Variants in FRMPD1 observed in about 807,000 individuals in gnomAD.
FRMPD1 encodes FERM and PDZ domain containing 1, also known as FERM and PDZ domain-containing protein 1.
In FRMPD1, 76 loss-of-function variants were observed where a neutral mutation model predicts 117.8. The observed-to-expected ratio is 0.65, with a 90% CI of 0.54 to 0.78. The LOEUF (loss-of-function observed/expected upper bound fraction) is 0.78. Among genes scored for constraint, FRMPD1 ranks in the 30% least tolerant of loss-of-function variants. FRMPD1 has a pLI of 0.00. For synonymous variants in FRMPD1, 783 were observed against 770.4 expected, an observed-to-expected ratio of 1.02 and a Z score of -0.27; for missense variants, 1,786 against 1,964.5, an observed-to-expected ratio of 0.91 and a Z score of 1.72.
intron 5 of FRMPD1, among the ~76,000 whole-genome samples, chr9:37,716,778 T>G (rs1823139048): frequency 6.6e-6 from 1 of 152,192 alleles, no homozygotes; most frequent in Non-Finnish European, 1.5e-5. Flanking sequence ...TTGTTTTTAG[T>G]GATTTCCTGG....
chr9:37,709,586 G>A (rs1822837147), intron 4 of FRMPD1, among the ~76,000 whole-genome samples: 1 of 152,230 alleles, frequency 6.6e-6, no homozygotes, highest in East Asian at 1.9e-4. Context: ...GAAAAGAAAA[G>A]CCAAGGAAAT....
At chr9:37,621,063 T>C in the FRMPD1 span, among the ~76,000 whole-genome samples, 1 of 151,958 alleles carries the variant, frequency 6.6e-6, no homozygotes, top group Non-Finnish European at 1.5e-5. Context: ...ATAGTCGAAA[T>C]TGATGGAGAG....
In FRMPD1 at chr9:37,729,190, C is replaced by G. The variant is rs184271547; in HGVS notation, c.613-538C>G. Among the ~76,000 whole-genome samples, 605 of 151,534 alleles carry G rather than the reference C, an allele frequency of 4.0e-3. 3 individuals carry two copies. The highest frequency in any genetic ancestry group is 0.01 in the Middle Eastern group (3 of 292). Reference sequence around the variant, plus strand: ...TTGAGGTCAGGAGTTCAAGACCAGCCTGGCCAACATTCCAAAACCCCATCT... The same window carrying G: ...TTGAGGTCAGGAGTTCAAGACCAGCGTGGCCAACATTCCAAAACCCCATCT... On this transcript the variant is annotated intron_variant, in intron 7 of 15. Coordinates refer to ENST00000377765, the MANE Select transcript of FRMPD1 (RefSeq NM_014907.3).
intron 4 of FRMPD1, 52 bp from the exon 5 acceptor site, chr9:37,711,298 T>TG: frequency 2.6e-6 from 3 of 1,154,278 alleles, no homozygotes; most frequent in Non-Finnish European, 3.9e-6. Context: ...TGCACGTGCA[T>TG]CCATCACGCA....
chr9:37,704,732 C>T lies in FRMPD1; in HGVS notation c.102-2684C>T, dbSNP rs144301434. On this transcript the variant is annotated intron_variant, in intron 2 of 15. Transcript: ENST00000377765. ...CATAAATGTTATTAATTATTATTGTCGTTATTGCTGTGATTACCATCAATT... is the reference window on the plus strand; with the variant it reads ...CATAAATGTTATTAATTATTATTGTTGTTATTGCTGTGATTACCATCAATT... Among the ~76,000 whole-genome samples the T allele has an allele frequency of 1.1e-4, 16 of 151,268 alleles. No individual in the cohort carries two copies. In the East Asian group the frequency reaches 1.6e-3, roughly 15 times the overall value.
At chr9:37,729,582 T>G (rs1823771352) in intron 7 of FRMPD1, 146 bp from the exon 8 acceptor site, 4 of 758,142 alleles carry the variant, frequency 5.3e-6, no homozygotes, top group Non-Finnish European at 8.7e-6. Flanking sequence ...AGGGGCCTGA[T>G]GAGTGGGACC....
the FRMPD1 span, among the ~76,000 whole-genome samples, chr9:37,618,964 C>T: frequency 6.6e-6 from 1 of 152,212 alleles, no homozygotes; most frequent in Non-Finnish European, 1.5e-5. Flanking sequence ...TGTGAGCTCC[C>T]TGCTGAGCCA....
chr9:37,634,825 G>A, the FRMPD1 span, among the ~76,000 whole-genome samples: 3 of 150,994 alleles, frequency 2.0e-5, no homozygotes, highest in African/African-American at 4.9e-5. Flanking sequence ...ATAGGTATAC[G>A]TGTGCCATGG....
the FRMPD1 span, among the ~76,000 whole-genome samples, chr9:37,641,039 C>A: frequency 3.2e-3 from 484 of 152,290 alleles, 1 homozygote; most frequent in Non-Finnish European, 5.4e-3. Flanking sequence ...AGGCATGCAC[C>A]ACCAGGCCTA....
the FRMPD1 span, among the ~76,000 whole-genome samples, chr9:37,638,574 G>C: frequency 6.6e-6 from 1 of 152,190 alleles, no homozygotes; most frequent in Admixed American, 6.5e-5. Context: ...ATCCCAGAGA[G>C]GGGGGTCTTA....
intron 15 of FRMPD1, among the ~76,000 whole-genome samples, chr9:37,742,924 A>G (rs1031082665): frequency 3.3e-5 from 5 of 152,086 alleles, no homozygotes; most frequent in African/African-American, 1.2e-4. Context: ...AAAAAACCTA[A>G]ACCTTATAGA....
At chr9:37,616,695 G>T in the FRMPD1 span, among the ~76,000 whole-genome samples, 1 of 152,160 alleles carries the variant, frequency 6.6e-6, no homozygotes, top group African/African-American at 2.4e-5. Flanking sequence ...AACCATGATT[G>T]AAAAATCTAG....
intron 6 of FRMPD1, among the ~76,000 whole-genome samples, chr9:37,720,076 T>C (rs965416130): frequency 3.3e-5 from 5 of 152,098 alleles, no homozygotes; most frequent in African/African-American, 9.7e-5. Context: ...TAACAAAGGA[T>C]CCAGGTGACA....
chr9:37,619,719 C>T, the FRMPD1 span, among the ~76,000 whole-genome samples: 1 of 150,850 alleles, frequency 6.6e-6, no homozygotes. Context: ...GATTGTGCCA[C>T]TGCACTCCAG....
chr9:37,637,969 TTTCTTTCTTTCTTTC>T, the FRMPD1 span, among the ~76,000 whole-genome samples: 23 of 70,796 alleles, frequency 3.2e-4, 1 homozygote, highest in African/African-American at 1.2e-3. Flanking sequence ...GTATGCTTTC[TTTCTTTCTTTCTTTC>T]TTTCTTTCTT....
upstream of FRMPD1, among the ~76,000 whole-genome samples, chr9:37,650,278 CAG>C (rs1212936079): frequency 6.6e-6 from 1 of 152,128 alleles, no homozygotes; most frequent in Admixed American, 6.5e-5. Flanking sequence ...TGAGACGGCT[CAG>C]GGGGTCAGAA....
chr9:37,651,771 A>G (rs1163472619), intron 1 of FRMPD1, among the ~76,000 whole-genome samples: 6 of 152,246 alleles, frequency 3.9e-5, no homozygotes, highest in African/African-American at 1.2e-4. Flanking sequence ...ACCTTGGGCA[A>G]GTGCCCCCTG....
intron 1 of FRMPD1, among the ~76,000 whole-genome samples, chr9:37,689,406 T>A (rs376062585): frequency 6.6e-5 from 10 of 152,284 alleles, no homozygotes; most frequent in African/African-American, 2.4e-4. Flanking sequence ...TAGTTTTTCA[T>A]GTACTTATTG....
At position 37,717,369 on chromosome 9, in the gene FRMPD1, GTA is replaced by G. The variant is rs1554666735; in HGVS notation, c.409-1688_409-1687del. ...TGTGTGTGTGTGTGTGTGTGTGTGT[GTA>G]TATATATATATTTTTTTTTTTTTTT... On this transcript the variant is annotated intron_variant, in intron 5 of 15. Coordinates refer to ENST00000377765, the MANE Select transcript of FRMPD1 (RefSeq NM_014907.3). Among the ~76,000 whole-genome samples the G allele has an allele frequency of 8.5e-5, 8 of 94,132 alleles. No homozygotes were observed. In the East Asian group the frequency reaches 1.3e-3, roughly 15 times the overall value. The allele number at this position is 94,132 out of a possible 152,430, so 61.8% of individuals were successfully genotyped here.
Sources: allele counts gnomAD v4.1 joint callset (sites outside exome capture counted in the v4.1 genomes callset), GRCh38; gene constraint gnomAD v4.1.1; transcripts MANE v1.5; gene names NCBI Gene and HGNC (gene_info 2026-07-23, HGNC 2026-07-21).